The following PTPRM variants were observed in gnomAD, a reference collection of about 807,000 sequenced individuals.
The protein encoded by PTPRM is protein tyrosine phosphatase receptor type M, also known as receptor-type tyrosine-protein phosphatase mu.
PTPRM carries 47 observed loss-of-function variants against 186.7 expected under a neutral mutation model. The observed-to-expected ratio is 0.25, with a 90% CI of 0.20 to 0.32. The LOEUF is 0.32. Ranked by LOEUF, PTPRM falls within the 10% of genes least tolerant of loss-of-function variation. PTPRM has a pLI of 1.00. For missense variants in PTPRM, 1,494 were observed against 1,865.0 expected (o/e 0.80, Z 3.66); for synonymous variants, 668 against 674.9 (o/e 0.99, Z 0.16).
chr18:7,726,152 A>G (rs568104944), intron 1 of PTPRM, among the ~76,000 whole-genome samples: 66 of 152,268 alleles, frequency 4.3e-4, no homozygotes, highest in African/African-American at 1.6e-3. Flanking sequence ...CACCAGCACG[A>G]GTGCACTCCA....
intron 2 of PTPRM, among the ~76,000 whole-genome samples, chr18:7,822,877 C>G (rs1467135923): frequency 6.6e-6 from 1 of 152,180 alleles, no homozygotes; most frequent in African/African-American, 2.4e-5. Flanking sequence ...ACTTCCTTTC[C>G]TGCCGCAGCT....
chr18:7,944,382 A>G (rs543722292), intron 5 of PTPRM, among the ~76,000 whole-genome samples: 12 of 152,216 alleles, frequency 7.9e-5, no homozygotes, highest in Admixed American at 7.2e-4. Context: ...TCTGAAAACA[A>G]TTTACCCAGT....
At chr18:7,877,436 A>T (rs775051224) in intron 2 of PTPRM, among the ~76,000 whole-genome samples, 1 of 152,186 alleles carries the variant, frequency 6.6e-6, no homozygotes, top group Non-Finnish European at 1.5e-5. Context: ...TATGGGTGTA[A>T]GAAATTTCCT....
chr18:7,787,427 G>T (rs932242462), intron 2 of PTPRM, among the ~76,000 whole-genome samples: 4 of 152,194 alleles, frequency 2.6e-5, no homozygotes, highest in Non-Finnish European at 4.4e-5. Flanking sequence ...TGTTGCATTT[G>T]ACTTAGATGT....
In PTPRM at chr18:8,406,814, G is replaced by T. The variant is rs956688893; in HGVS notation, c.*652G>T. 1 of 152,102 alleles carries T rather than the reference G, an allele frequency of 6.6e-6. No homozygotes were observed. Among genetic ancestry groups the T allele is most frequent in the African/African-American group, 2.4e-5 (1 of 41,424 alleles). 9.4% of individuals were successfully genotyped at this position (152,102 alleles called of 1,614,324 possible). ...ATGTGTTTATATTGTAAATATTTTTGATTTCATCAAATTATTTATTCATTA... is the reference window on the plus strand; with the variant it reads ...ATGTGTTTATATTGTAAATATTTTTTATTTCATCAAATTATTTATTCATTA... On this transcript the variant is annotated 3_prime_UTR_variant, in exon 33 of 33. Transcript: ENST00000580170.
chr18:8,070,637 A>G (rs1375404471), intron 8 of PTPRM, among the ~76,000 whole-genome samples: 1 of 152,216 alleles, frequency 6.6e-6, no homozygotes, highest in Non-Finnish European at 1.5e-5. Context: ...TTAAAACAGT[A>G]AAATTATGCC....
At chr18:7,716,727 A>T (rs2040341228) in intron 1 of PTPRM, among the ~76,000 whole-genome samples, 1 of 152,202 alleles carries the variant, frequency 6.6e-6, no homozygotes, top group African/African-American at 2.4e-5. Flanking sequence ...AACATGAAAA[A>T]AGCTCATCAT....
At chr18:7,698,309 C>T (rs551655343) in intron 1 of PTPRM, among the ~76,000 whole-genome samples, 1 of 152,298 alleles carries the variant, frequency 6.6e-6, no homozygotes, top group South Asian at 2.1e-4. Flanking sequence ...GTGAAGCTTC[C>T]ATTACTTGTT....
chr18:8,211,232 AG>A (rs1244314965), intron 14 of PTPRM, among the ~76,000 whole-genome samples: 3 of 152,208 alleles, frequency 2.0e-5, no homozygotes, highest in African/African-American at 7.2e-5. Context: ...GAGAATTGCT[AG>A]GGCGGCCTCC....
chr18:7,771,349 G>A lies in PTPRM; in HGVS notation c.74-2800G>A, dbSNP rs116911427. 2.8e-3 allele frequency among the ~76,000 whole-genome samples: 431 copies of A among 152,284 alleles called. 2 individuals are homozygous for A. Among genetic ancestry groups the A allele is most frequent in the Non-Finnish European group, 5.1e-3 (349 of 68,022 alleles). On this transcript the variant is annotated intron_variant, in intron 1 of 32. Coordinates refer to ENST00000580170, the MANE Select transcript of PTPRM (RefSeq NM_001105244.2). ...AGCTTATTGCTAGAATACTGAAGCT[G>A]TTTTCTACATCAAAATTAGGGTTTG...
At chr18:8,358,300 C>T (rs2095576114) in intron 23 of PTPRM, among the ~76,000 whole-genome samples, 1 of 152,006 alleles carries the variant, frequency 6.6e-6, no homozygotes, top group Non-Finnish European at 1.5e-5. Flanking sequence ...CATGCACACA[C>T]ACACATCCCT....
At chr18:7,720,464 T>C (rs926395978) in intron 1 of PTPRM, among the ~76,000 whole-genome samples, 3 of 152,160 alleles carry the variant, frequency 2.0e-5, no homozygotes, top group African/African-American at 7.2e-5. Context: ...TTAAAAAAAT[T>C]AATAGACTAT....
chr18:8,395,815 G>A (rs2095842717), intron 32 of PTPRM, among the ~76,000 whole-genome samples: 1 of 152,162 alleles, frequency 6.6e-6, no homozygotes, highest in Non-Finnish European at 1.5e-5. Flanking sequence ...TTCTAGTTAG[G>A]TGACCCCAAA....
At chr18:8,345,232 C>CGAAG (rs2095498717) in intron 23 of PTPRM, among the ~76,000 whole-genome samples, 1 of 139,110 alleles carries the variant, frequency 7.2e-6, no homozygotes, top group African/African-American at 2.6e-5. Flanking sequence ...AGAGCAAAAC[C>CGAAG]AAAGAAAAAA....
intron 13 of PTPRM, among the ~76,000 whole-genome samples, chr18:8,135,256 G>C (rs990907389): frequency 3.3e-5 from 5 of 152,104 alleles, no homozygotes; most frequent in African/African-American, 1.2e-4. Flanking sequence ...TTTTCAAATA[G>C]TGCAATCAAT....
intron 13 of PTPRM, among the ~76,000 whole-genome samples, chr18:8,126,687 G>C (rs2092373019): frequency 6.6e-6 from 1 of 152,104 alleles, no homozygotes; most frequent in South Asian, 2.1e-4. Flanking sequence ...GGGGACCCAA[G>C]GTTCTCTATT....
intron 19 of PTPRM, among the ~76,000 whole-genome samples, chr18:8,255,518 A>G (rs933147618): frequency 8.5e-5 from 13 of 152,236 alleles, no homozygotes; most frequent in Admixed American, 3.9e-4. Flanking sequence ...AAAGTGTTGT[A>G]TTCATTAAGT....
chr18:8,225,410 C>T (rs571275079), intron 14 of PTPRM, among the ~76,000 whole-genome samples: 2 of 152,108 alleles, frequency 1.3e-5, no homozygotes, highest in African/African-American at 2.4e-5. Flanking sequence ...TTTAACATAA[C>T]CCCAAAACTT....
chr18:8,315,983 T>C (rs1568731940), intron 21 of PTPRM, among the ~76,000 whole-genome samples: 1 of 152,208 alleles, frequency 6.6e-6, no homozygotes, highest in Non-Finnish European at 1.5e-5. Flanking sequence ...GCAAGCTTTC[T>C]TCATAAGGTG....
Sources: gnomAD v4.1 joint callset for allele counts (sites outside exome capture counted in the v4.1 genomes callset) on GRCh38, gnomAD v4.1.1 for gene constraint, MANE v1.5 for transcripts, NCBI Gene and HGNC (gene_info 2026-07-23, HGNC 2026-07-21) for gene names.